Variants in FAM174A observed in about 807,000 individuals in gnomAD.
FAM174A encodes membrane protein FAM174A.
FAM174A carries 14 observed loss-of-function variants against 14.3 expected under a neutral mutation model. The ratio of observed to expected loss-of-function variants is 0.98; its 90% confidence interval spans 0.65 to 1.53. The LOEUF (loss-of-function observed/expected upper bound fraction) is 1.53. Among genes scored for constraint, FAM174A ranks in the 40% most tolerant of loss-of-function variants. The probability of loss-of-function intolerance (pLI) is 0.00; values close to 1 mark genes in which losing one functional copy is unlikely to be tolerated. For missense variants in FAM174A, 241 were observed against 249.6 expected (o/e 0.97, Z 0.23); for synonymous variants, 108 against 111.4 (o/e 0.97, Z 0.19).
intron 1 of FAM174A, among the ~76,000 whole-genome samples, chr5:100,539,703 TCTG>T (rs1475144621): frequency 6.6e-6 from 1 of 152,192 alleles, no homozygotes; most frequent in Non-Finnish European, 1.5e-5. Flanking sequence ...CAAACCCAGC[TCTG>T]CTGGAACTTA....
intron 1 of FAM174A, among the ~76,000 whole-genome samples, chr5:100,548,022 G>A (rs573172634): frequency 4.6e-4 from 70 of 152,066 alleles, no homozygotes; most frequent in Non-Finnish European, 1.5e-5. Context: ...GACTATGAAC[G>A]GAAGACTTCT....
chr5:100,556,217 GT>G (rs1270303508), intron 1 of FAM174A, among the ~76,000 whole-genome samples: 2 of 152,180 alleles, frequency 1.3e-5, no homozygotes, highest in African/African-American at 4.8e-5. Context: ...CCCATTTCTT[GT>G]TTTTGTCAGG....
intron 2 of FAM174A, among the ~76,000 whole-genome samples, chr5:100,585,227 T>C (rs575136100): frequency 5.9e-5 from 9 of 152,330 alleles, no homozygotes; most frequent in Non-Finnish European, 5.9e-5. Flanking sequence ...ATACTACATC[T>C]TTATATTTAC....
At position 100,535,855 on chromosome 5, in the gene FAM174A, C is replaced by T. The variant is rs756936364; in HGVS notation, c.325C>T (p.Leu109Phe). ...CGGGGAAGGCTCGGTGGGTGGCGGC[C>T]TTGCTGTGAGCCCCAACCCTGGCGA... ...KAGEGSVGGG[L>F]AVSPNPGDKP... Residue 109 changes from leucine to phenylalanine, a missense_variant, in exon 1 of 3, where the codon CTT (leucine) becomes TTT (phenylalanine). Physicochemically the swap from Leu to Phe is conservative, Grantham distance 22 (BLOSUM62 0). Transcript: ENST00000312637. The T allele has an allele frequency of 5.0e-6, 8 of 1,612,498 alleles. No homozygotes were observed. The South Asian group carries it at 8.8e-5, about 18-fold the overall frequency.
At chr5:100,551,838 G>A (rs959544492) in intron 1 of FAM174A, among the ~76,000 whole-genome samples, 4 of 152,090 alleles carry the variant, frequency 2.6e-5, no homozygotes, top group Non-Finnish European at 4.4e-5. Context: ...GTGCGTGTCT[G>A]TCTCCAAAAT....
At chr5:100,547,519 G>A (rs1355227705) in intron 1 of FAM174A, among the ~76,000 whole-genome samples, 1 of 152,082 alleles carries the variant, frequency 6.6e-6, no homozygotes, top group Non-Finnish European at 1.5e-5. Flanking sequence ...AAGGAGATGG[G>A]AAAACTGTGC....
rs1747126947 is a variant in FAM174A, at chr5:100,586,406, A to C, written c.*222A>C. 1 of 297,798 alleles carries C rather than the reference A, an allele frequency of 3.4e-6. No individual in the cohort carries two copies. The highest frequency in any genetic ancestry group is 5.2e-5 in the Admixed American group (1 of 19,290). The allele number at this position is 297,798 out of a possible 1,614,324, so 18.4% of individuals were successfully genotyped here. On this transcript the variant is annotated 3_prime_UTR_variant, in exon 3 of 3. Transcript: ENST00000312637. ...ATGGGCTCAGAGATGTTGGGGATAA[A>C]GTATACTGTAATAATTTATCTGTTT... is the stretch of plus-strand genomic sequence containing the variant.
At chr5:100,571,661 AGT>A (rs1408877377) in intron 2 of FAM174A, among the ~76,000 whole-genome samples, 74 of 120,682 alleles carry the variant, frequency 6.1e-4, no homozygotes, top group African/African-American at 2.1e-3. Flanking sequence ...TATATACCTA[AGT>A]GTGTGTGTGT....
intron 2 of FAM174A, among the ~76,000 whole-genome samples, chr5:100,571,439 G>T (rs372609035): frequency 6.6e-6 from 1 of 151,348 alleles, no homozygotes; most frequent in East Asian, 1.9e-4. Context: ...GCTTTATCAA[G>T]AAATTTGTCC....
intron 2 of FAM174A, among the ~76,000 whole-genome samples, chr5:100,563,032 A>G (rs1362865857): frequency 6.6e-6 from 1 of 151,850 alleles, no homozygotes; most frequent in African/African-American, 2.4e-5. Flanking sequence ...ATGACTCAAC[A>G]AAAATTGGAC....
At chr5:100,580,848 C>T (rs140265781) in intron 2 of FAM174A, among the ~76,000 whole-genome samples, 36 of 152,210 alleles carry the variant, frequency 2.4e-4, no homozygotes, top group Non-Finnish European at 3.2e-4. Flanking sequence ...GCCAAAAGAG[C>T]GTCCTGTTAA....
chr5:100,558,823 A>G (rs940098303), intron 1 of FAM174A, among the ~76,000 whole-genome samples: 2 of 151,890 alleles, frequency 1.3e-5, no homozygotes, highest in African/African-American at 2.4e-5. Flanking sequence ...TTTTGAGCCT[A>G]TGTGTTTCTC....
chr5:100,560,664 G>C (rs1351260016), intron 1 of FAM174A, among the ~76,000 whole-genome samples: 3 of 151,968 alleles, frequency 2.0e-5, no homozygotes, highest in Admixed American at 2.0e-4. Flanking sequence ...TTGTTTTCCA[G>C]GAGCTTCACT....
At chr5:100,552,911 T>C (rs1322252514) in intron 1 of FAM174A, among the ~76,000 whole-genome samples, 1 of 152,130 alleles carries the variant, frequency 6.6e-6, no homozygotes. Context: ...ATAGCTTTTT[T>C]CTTTTGCCGG....
At chr5:100,558,559 T>C (rs182824908) in intron 1 of FAM174A, among the ~76,000 whole-genome samples, 2 of 152,090 alleles carry the variant, frequency 1.3e-5, no homozygotes, top group African/African-American at 4.8e-5. Flanking sequence ...CCCATTATTA[T>C]TGTGTGGGAG....
chr5:100,582,864 A>G (rs1747048883), intron 2 of FAM174A, among the ~76,000 whole-genome samples: 2 of 152,216 alleles, frequency 1.3e-5, no homozygotes, highest in South Asian at 4.1e-4. Flanking sequence ...ATAGAAATGA[A>G]TAACTGTTGT....
chr5:100,556,143 T>A (rs897845156), intron 1 of FAM174A, among the ~76,000 whole-genome samples: 1 of 152,238 alleles, frequency 6.6e-6, no homozygotes, highest in African/African-American at 2.4e-5. Flanking sequence ...AGGGATCCAG[T>A]TTCAGCTCTC....
At chr5:100,541,852 A>G (rs1162869901) in intron 1 of FAM174A, among the ~76,000 whole-genome samples, 3 of 152,030 alleles carry the variant, frequency 2.0e-5, no homozygotes, top group Non-Finnish European at 2.9e-5. Context: ...TTTCTGTAGC[A>G]CTCAGTGCAC....
Position 100,535,401 on chromosome 5 carries a change from C to A in FAM174A, c.-130C>A. 1 of 983,084 alleles carries A rather than the reference C, an allele frequency of 1.0e-6. No individual in the cohort carries two copies. The highest frequency in any genetic ancestry group is 1.5e-6 in the Non-Finnish European group (1 of 656,946). 60.9% of individuals were successfully genotyped at this position (983,084 alleles called of 1,614,324 possible). ...CTGCCACTGCTGTAGCTTCTGCCACCTGCCACGACCGGGCCTCTCCCTGGC... is the reference window on the plus strand; with the variant it reads ...CTGCCACTGCTGTAGCTTCTGCCACATGCCACGACCGGGCCTCTCCCTGGC... On this transcript the variant is annotated 5_prime_UTR_variant, in exon 1 of 3. It adds an upstream start codon to the 5' untranslated region. Coordinates refer to ENST00000312637, the MANE Select transcript of FAM174A (RefSeq NM_198507.3).
Sources: allele counts gnomAD v4.1 joint callset (sites outside exome capture counted in the v4.1 genomes callset), GRCh38; gene constraint gnomAD v4.1.1; transcripts MANE v1.5; gene names NCBI Gene and HGNC (gene_info 2026-07-23, HGNC 2026-07-21).